ERI1: variants seen among roughly 807,000 people sequenced by gnomAD.
ERI1 encodes 3'-5' exoribonuclease 1.
Under a neutral mutation model 39.7 loss-of-function variants are expected in ERI1, and 39 were observed. The ratio of observed to expected loss-of-function variants is 0.98; its 90% CI spans 0.76 to 1.28. The LOEUF is 1.28. Among genes scored for constraint, ERI1 ranks in the 50% most tolerant of loss-of-function variants. The pLI is 0.00. For synonymous variants in ERI1, 204 were observed against 149.6 expected (o/e 1.36, Z -2.65); for missense variants, 581 against 416.9 (o/e 1.39, Z -3.43).
At chr8:9,008,246 C>T (rs1310194334) in intron 2 of ERI1, 98 bp downstream of exon 2, 19 of 1,052,200 alleles carry the variant, frequency 1.8e-5, no homozygotes, top group East Asian at 8.0e-5. Context: ...GTAATCCTAC[C>T]GTAATGACAT....
intron 3 of ERI1, among the ~76,000 whole-genome samples, chr8:9,060,042 C>G (rs975856637): frequency 6.6e-6 from 1 of 152,176 alleles, no homozygotes; most frequent in African/African-American, 2.4e-5. Flanking sequence ...ATTGTCCAGT[C>G]CTTTTTAAGT....
At chr8:9,068,517 A>C (rs537482824) in intron 3 of ERI1, among the ~76,000 whole-genome samples, 1 of 152,142 alleles carries the variant, frequency 6.6e-6, no homozygotes, top group Non-Finnish European at 1.5e-5. Flanking sequence ...CTGTCTTATG[A>C]ATGCTGAGTG....
chr8:9,006,869 A>G (rs1816074890), intron 1 of ERI1, among the ~76,000 whole-genome samples: 1 of 152,186 alleles, frequency 6.6e-6, no homozygotes, highest in Non-Finnish European at 1.5e-5. Flanking sequence ...GCTTAGAGTA[A>G]GAAATGGTTC....
chr8:9,034,183 C>T (rs1270386660), downstream of ERI1, among the ~76,000 whole-genome samples: 7 of 152,310 alleles, frequency 4.6e-5, no homozygotes, highest in African/African-American at 1.2e-4. Context: ...GGGTAAGGGG[C>T]GGATGCCCGA....
At chr8:9,014,168 C>A (rs1424661386) in intron 3 of ERI1, among the ~76,000 whole-genome samples, 1 of 152,212 alleles carries the variant, frequency 6.6e-6, no homozygotes, top group Non-Finnish European at 1.5e-5. Flanking sequence ...TTCCTTAACT[C>A]ATTCCACTCC....
intron 5 of ERI1, among the ~76,000 whole-genome samples, chr8:9,018,801 C>G (rs1172446238): frequency 6.6e-6 from 1 of 151,746 alleles, no homozygotes; most frequent in African/African-American, 2.4e-5. Context: ...CAGGAATTCA[C>G]ATGGTTTACC....
chr8:9,025,510 T>C (rs1394166888), intron 6 of ERI1, among the ~76,000 whole-genome samples: 1 of 152,256 alleles, frequency 6.6e-6, no homozygotes, highest in Non-Finnish European at 1.5e-5. Flanking sequence ...TTCCTCTTGT[T>C]CACCTTTCAA....
rs190483524 is a variant in ERI1, at chr8:9,079,967, G to T, written n.300-36381G>T. Among the ~76,000 whole-genome samples, 6 of 149,168 alleles carry T rather than the reference G, an allele frequency of 4.0e-5. No homozygotes were observed. The East Asian group carries it at 1.2e-3, about 29-fold the overall frequency. Reference sequence around the variant, plus strand: ...ATTACAGGTGTAAGCCACTATGCTTGGCCCACAAGCAGGTTTTTAAAGACA... The same window carrying T: ...ATTACAGGTGTAAGCCACTATGCTTTGCCCACAAGCAGGTTTTTAAAGACA... On this transcript the variant is annotated intron_variant and non_coding_transcript_variant, in intron 3 of 3. Transcript: ENST00000518663.
intron 3 of ERI1, among the ~76,000 whole-genome samples, chr8:9,081,388 C>A (rs1400748453): frequency 6.6e-6 from 1 of 152,122 alleles, no homozygotes; most frequent in Non-Finnish European, 1.5e-5. Flanking sequence ...TTGAAGCTGC[C>A]AAGGGTGCAT....
chr8:9,097,877 C>T (rs1295757784), intron 3 of ERI1, among the ~76,000 whole-genome samples: 1 of 151,940 alleles, frequency 6.6e-6, no homozygotes, highest in Non-Finnish European at 1.5e-5. Flanking sequence ...AAATGCCCGT[C>T]AATCAAATAG....
intron 3 of ERI1, among the ~76,000 whole-genome samples, chr8:9,082,807 T>C (rs979598590): frequency 2.6e-5 from 4 of 152,124 alleles, no homozygotes; most frequent in African/African-American, 9.7e-5. Flanking sequence ...AATGATGAGA[T>C]GCCCGAAGAG....
downstream of ERI1, among the ~76,000 whole-genome samples, chr8:9,037,983 A>T (rs1264261607): frequency 6.6e-6 from 1 of 152,170 alleles, no homozygotes; most frequent in Non-Finnish European, 1.5e-5. Context: ...TGATTTTTCA[A>T]ACTTTTTTGC....
At chr8:9,083,612 T>TA (rs1339209407) in intron 3 of ERI1, among the ~76,000 whole-genome samples, 1 of 147,346 alleles carries the variant, frequency 6.8e-6, no homozygotes, top group Admixed American at 6.8e-5. Context: ...ATTGAAATGA[T>TA]ACAGAGTTTT....
At chr8:9,019,308 A>T (rs1466661186) in intron 5 of ERI1, among the ~76,000 whole-genome samples, 1 of 152,212 alleles carries the variant, frequency 6.6e-6, no homozygotes, top group Non-Finnish European at 1.5e-5. Context: ...ACCAACATAG[A>T]GGGTTTGGAG....
Position 9,033,103 on chromosome 8 carries a change from C to G in ERI1, c.*3069C>G, listed in dbSNP as rs1158666061. The G allele has an allele frequency of 6.6e-6, 1 of 152,170 alleles. No individual in the cohort carries two copies. Among genetic ancestry groups the G allele is most frequent in the Non-Finnish European group, 1.5e-5 (1 of 68,046 alleles). 9.4% of individuals were successfully genotyped at this position (152,170 alleles called of 1,614,324 possible). ...GAAATTTCCTCTTTGTTCTGCACCA[C>G]CAACCTGTATATCAAGCCTCCTTGC... On this transcript the variant is annotated 3_prime_UTR_variant, in exon 7 of 7. Transcript: ENST00000250263.
In ERI1 at chr8:9,030,041, T is replaced by G; in HGVS notation, c.*7T>G. On this transcript the variant is annotated 3_prime_UTR_variant, in exon 7 of 7. Transcript: ENST00000250263. ...GCCACATTTTAGAAAGTAACAACAGTTTTGTGTGTGGATCATTCCAATTGA... is the reference window on the plus strand; with the variant it reads ...GCCACATTTTAGAAAGTAACAACAGGTTTGTGTGTGGATCATTCCAATTGA... 2 of 1,612,614 alleles carry G rather than the reference T, an allele frequency of 1.2e-6. No homozygotes were observed.
At chr8:9,005,298 G>GA (rs908119027) in intron 1 of ERI1, among the ~76,000 whole-genome samples, 2 of 151,932 alleles carry the variant, frequency 1.3e-5, no homozygotes, top group Admixed American at 6.6e-5. Context: ...TCTCTATACA[G>GA]AAAAAGTTTT....
Position 9,013,565 on chromosome 8 carries a change from C to A in ERI1, c.498+1813C>A, listed in dbSNP as rs142501201. The stretch of plus-strand genomic sequence containing the variant: ...CCTCTTCTCTGCTTACATCCTTTCG[C>A]TTGATGATCTTATCTAGTTCCATAG... On this transcript the variant is annotated intron_variant, in intron 3 of 6. Transcript: ENST00000250263. 7.9e-3 allele frequency among the ~76,000 whole-genome samples: 1,200 copies of A among 152,150 alleles called. 16 individuals carry two copies. The highest frequency in any genetic ancestry group is 0.028 in the African/African-American group (1,154 of 41,482).
At chr8:9,036,517 C>T (rs376766026), downstream of ERI1, among the ~76,000 whole-genome samples, 46 of 152,200 alleles carry the variant, frequency 3.0e-4, no homozygotes, top group African/African-American at 1.1e-3. Context: ...CTTTTGCACA[C>T]TTCATAGACT....
Sources: allele counts gnomAD v4.1 joint callset (sites outside exome capture counted in the v4.1 genomes callset), GRCh38; gene constraint gnomAD v4.1.1; transcripts MANE v1.5; gene names NCBI Gene and HGNC (gene_info 2026-07-23, HGNC 2026-07-21).